The following GSG1L variants were observed in gnomAD, a reference collection of about 807,000 sequenced individuals.
GSG1L encodes GSG1 like.
Under a neutral mutation model 42.1 loss-of-function variants are expected in GSG1L, and 24 were observed. The observed-to-expected ratio is 0.57, with a 90% CI of 0.41 to 0.80. GSG1L has a LOEUF of 0.80. Ranked by LOEUF, GSG1L falls within the 30% of genes least tolerant of loss-of-function variation. The pLI is 0.00. For missense variants in GSG1L, 445 were observed against 472.2 expected (o/e 0.94, Z 0.53); for synonymous variants, 215 against 203.5 (o/e 1.06, Z -0.48).
intron 1 of GSG1L, among the ~76,000 whole-genome samples, chr16:27,994,266 T>A (rs996702604): frequency 1.5e-4 from 23 of 151,810 alleles, no homozygotes; most frequent in Non-Finnish European, 4.4e-5. Context: ...TCATGGAGGA[T>A]GGGGCTGGGC....
chr16:28,021,327 T>C (rs2085840513), intron 1 of GSG1L, among the ~76,000 whole-genome samples: 1 of 152,126 alleles, frequency 6.6e-6, no homozygotes, highest in South Asian at 2.1e-4. Flanking sequence ...AGTTAAATCA[T>C]TTGCCCAAGG....
chr16:27,991,017 T>A (rs2085449895), intron 1 of GSG1L, among the ~76,000 whole-genome samples: 1 of 152,256 alleles, frequency 6.6e-6, no homozygotes, highest in African/African-American at 2.4e-5. Flanking sequence ...TGCTCCACCT[T>A]ATGCAAATAA....
intron 1 of GSG1L, among the ~76,000 whole-genome samples, chr16:27,967,197 TTC>T (rs2085145458): frequency 6.6e-6 from 1 of 152,230 alleles, no homozygotes; most frequent in African/African-American, 2.4e-5. Context: ...GCTTCCTAAG[TTC>T]TCTGATAAGG....
chr16:27,920,619 C>A (rs776646030), intron 2 of GSG1L, among the ~76,000 whole-genome samples: 8 of 152,206 alleles, frequency 5.3e-5, no homozygotes, highest in Non-Finnish European at 1.0e-4. Flanking sequence ...GTGGGCCGGT[C>A]ACTTGCTATA....
intron 1 of GSG1L, among the ~76,000 whole-genome samples, chr16:28,029,007 G>A (rs1003464376): frequency 1.6e-4 from 25 of 152,186 alleles, no homozygotes; most frequent in African/African-American, 5.8e-4. Context: ...ACCCACATCA[G>A]CTGATGAACA....
chr16:27,796,530 C>T (rs941926750), intron 6 of GSG1L, among the ~76,000 whole-genome samples: 2 of 152,356 alleles, frequency 1.3e-5, no homozygotes, highest in African/African-American at 2.4e-5. Flanking sequence ...ACAGTTGCAT[C>T]CCTGCATCAG....
At chr16:28,019,919 A>G (rs1483080799) in intron 1 of GSG1L, among the ~76,000 whole-genome samples, 2 of 152,152 alleles carry the variant, frequency 1.3e-5, no homozygotes, top group Non-Finnish European at 2.9e-5. Flanking sequence ...CTGCTGCTCT[A>G]TCATCATGCT....
chr16:27,806,911 G>A (rs541882865), intron 6 of GSG1L, among the ~76,000 whole-genome samples: 1 of 152,318 alleles, frequency 6.6e-6, no homozygotes, highest in Admixed American at 6.5e-5. Context: ...GTACAGAGTG[G>A]GATGGGGTGG....
chr16:27,815,297 G>A (rs1427051490), intron 5 of GSG1L, among the ~76,000 whole-genome samples: 1 of 152,108 alleles, frequency 6.6e-6, no homozygotes, highest in Non-Finnish European at 1.5e-5. Flanking sequence ...TTGTTTAAAG[G>A]AGCCTGGCAT....
intron 2 of GSG1L, among the ~76,000 whole-genome samples, chr16:27,957,950 T>C (rs926971364): frequency 1.3e-5 from 2 of 152,078 alleles, no homozygotes; most frequent in African/African-American, 4.8e-5. Flanking sequence ...AGCTCCAGTG[T>C]GAACTAATAC....
chr16:27,884,485 C>G lies in GSG1L; in HGVS notation c.550+1G>C. The G allele has an allele frequency of 6.2e-7, 1 of 1,613,060 alleles. No individual in the cohort carries two copies. The highest frequency in any genetic ancestry group is 8.5e-7 in the Non-Finnish European group (1 of 1,179,538). ...AGGCCACAGGACCAGCCATGCCTTACCTGAGAGCACCGTGAAGACAGCCGC... is the reference window on the plus strand; with the variant it reads ...AGGCCACAGGACCAGCCATGCCTTAGCTGAGAGCACCGTGAAGACAGCCGC... On this transcript the variant is annotated splice_donor_variant, in intron 3 of 6. Coordinates refer to ENST00000447459, the MANE Select transcript of GSG1L (RefSeq NM_001109763.2). LOFTEE classifies it high-confidence loss of function. This position sits in a 1 kb window ranked among gnomAD's most constrained non-coding sequence, Gnocchi z 4.4.
intron 3 of GSG1L, among the ~76,000 whole-genome samples, chr16:27,879,058 C>T (rs28658533): frequency 3.3e-5 from 5 of 152,004 alleles, no homozygotes; most frequent in South Asian, 2.1e-4. Context: ...TTTTGATACA[C>T]GGATCCAGCA....
At chr16:27,824,440 C>T (rs1463702892) in intron 5 of GSG1L, among the ~76,000 whole-genome samples, 1 of 152,048 alleles carries the variant, frequency 6.6e-6, no homozygotes, top group African/African-American at 2.4e-5. Context: ...TTCCTGGCTG[C>T]GGCTCCAAGG....
At chr16:27,800,051 G>A (rs950393866) in intron 6 of GSG1L, among the ~76,000 whole-genome samples, 8 of 152,078 alleles carry the variant, frequency 5.3e-5, no homozygotes, top group African/African-American at 1.9e-4. Context: ...ATCCTTTAAC[G>A]AGCTCTCCAT....
At chr16:27,919,664 A>G (rs2084502199) in intron 2 of GSG1L, among the ~76,000 whole-genome samples, 1 of 152,230 alleles carries the variant, frequency 6.6e-6, no homozygotes, top group Non-Finnish European at 1.5e-5. Context: ...CCGTGTGCCC[A>G]GCCTTGGAGA....
chr16:28,000,086 A>C (rs997602214), intron 1 of GSG1L, among the ~76,000 whole-genome samples: 1 of 152,230 alleles, frequency 6.6e-6, no homozygotes, highest in African/African-American at 2.4e-5. Context: ...TACTGTGTGT[A>C]AGAGACGAGT....
At chr16:27,956,792 CAT>C (rs1211272496) in intron 2 of GSG1L, among the ~76,000 whole-genome samples, 4 of 150,562 alleles carry the variant, frequency 2.7e-5, no homozygotes, top group East Asian at 3.9e-4. Flanking sequence ...AACCCACAGA[CAT>C]GTGAGGAAAA....
chr16:27,897,544 C>T (rs528566525), intron 2 of GSG1L, among the ~76,000 whole-genome samples: 1 of 152,316 alleles, frequency 6.6e-6, no homozygotes, highest in East Asian at 1.9e-4. Flanking sequence ...AAGTAATCCT[C>T]CTCTGTTGAC....
intron 5 of GSG1L, among the ~76,000 whole-genome samples, chr16:27,810,808 C>A (rs986787131): frequency 1.3e-5 from 2 of 152,106 alleles, no homozygotes; most frequent in Non-Finnish European, 2.9e-5. Flanking sequence ...CTGCCTCAGC[C>A]TCCCGAGGAG....
Sources: gnomAD v4.1 joint callset for allele counts (sites outside exome capture counted in the v4.1 genomes callset) on GRCh38, gnomAD v4.1.1 for gene constraint, Gnocchi (gnomAD v3.1) non-coding constraint, MANE v1.5 for transcripts, NCBI Gene and HGNC (gene_info 2026-07-23, HGNC 2026-07-21) for gene names.